The following FAM13A variants were observed in gnomAD, a reference collection of about 807,000 sequenced individuals.
FAM13A encodes family with sequence similarity 13 member A, also known as protein FAM13A.
Under a neutral mutation model 129.6 loss-of-function variants are expected in FAM13A, and 76 were observed. The ratio of observed to expected loss-of-function variants is 0.59; its 90% CI spans 0.49 to 0.71. The LOEUF (loss-of-function observed/expected upper bound fraction) is 0.71. Among genes scored for constraint, FAM13A ranks in the 30% least tolerant of loss-of-function variants. The pLI is 0.00. For synonymous variants in FAM13A, 443 were observed against 449.9 expected (o/e 0.98, Z 0.20); for missense variants, 1,108 against 1,249.3 (o/e 0.89, Z 1.70).
intron 8 of FAM13A, among the ~76,000 whole-genome samples, chr4:88,790,862 C>A (rs541803524): frequency 6.6e-6 from 1 of 152,234 alleles, no homozygotes; most frequent in South Asian, 2.1e-4. Context: ...CCAAGGCAGA[C>A]AATTCTATAA....
chr4:88,859,438 T>C (rs1037590971), intron 6 of FAM13A, among the ~76,000 whole-genome samples: 1 of 152,060 alleles, frequency 6.6e-6, no homozygotes. Context: ...AAGAACACTG[T>C]GGGCCCAGAG....
intron 5 of FAM13A, among the ~76,000 whole-genome samples, chr4:88,922,205 T>C (rs1377615635): frequency 1.3e-5 from 2 of 152,034 alleles, no homozygotes; most frequent in African/African-American, 2.4e-5. Flanking sequence ...GCGGACCTAA[T>C]AGACATCTAC....
In FAM13A at chr4:89,056,923, A is replaced by G. The variant is rs780509748; in HGVS notation, c.27+15T>C. 5.0e-6 allele frequency: 8 copies of G among 1,611,890 alleles called. No individual in the cohort carries two copies. Among genetic ancestry groups the G allele is most frequent in the South Asian group, 3.3e-5 (3 of 90,582 alleles). On this transcript the variant is annotated intron_variant, in intron 1 of 23. Transcript: ENST00000264344. ...TGGCAGTAAACACAGAAGACAGAAG[A>G]AGGCCTATACTTACACAGATGGCTA...
intron 11 of FAM13A, among the ~76,000 whole-genome samples, chr4:88,771,930 T>A (rs1720757567): frequency 6.6e-6 from 1 of 152,212 alleles, no homozygotes; most frequent in African/African-American, 2.4e-5. Flanking sequence ...AAAGCCTTGA[T>A]AAAAGTTCAT....
chr4:88,986,136 CTTT>C (rs751565027), intron 4 of FAM13A, among the ~76,000 whole-genome samples: 3 of 142,514 alleles, frequency 2.1e-5, no homozygotes, highest in Admixed American at 7.1e-5. Flanking sequence ...ATAATTTTCA[CTTT>C]TTTTTTTTTT....
intron 6 of FAM13A, chr4:88,905,653 G>A (rs1275484536): frequency 9.9e-5 from 15 of 152,086 alleles, no homozygotes; most frequent in African/African-American, 3.6e-4. Flanking sequence ...GAGAACATGT[G>A]GTATTTGGTT....
intron 1 of FAM13A, among the ~76,000 whole-genome samples, chr4:89,036,757 G>C (rs1004537915): frequency 6.6e-6 from 1 of 152,226 alleles, no homozygotes; most frequent in African/African-American, 2.4e-5. Flanking sequence ...GCTCTGCTCA[G>C]CCGCAGGACA....
chr4:88,731,085 G>A (rs946331943), intron 23 of FAM13A, among the ~76,000 whole-genome samples: 5 of 152,204 alleles, frequency 3.3e-5, no homozygotes, highest in South Asian at 2.1e-4. Context: ...AATGTCAGCT[G>A]AATCTGCATT....
chr4:88,884,468 C>T (rs1744091508), intron 6 of FAM13A, among the ~76,000 whole-genome samples: 1 of 152,058 alleles, frequency 6.6e-6, no homozygotes, highest in African/African-American at 2.4e-5. Flanking sequence ...TTATTAAAAC[C>T]CTCAGCAAAA....
chr4:88,739,621 C>CAAA (rs5860146), intron 19 of FAM13A, among the ~76,000 whole-genome samples: 4 of 112,648 alleles, frequency 3.6e-5, no homozygotes, highest in African/African-American at 9.6e-5. Context: ...CTAAAAAATA[C>CAAA]AAAAAAAAAA....
chr4:88,799,741 C>T (rs1561025216), intron 8 of FAM13A, among the ~76,000 whole-genome samples: 1 of 152,206 alleles, frequency 6.6e-6, no homozygotes, highest in Non-Finnish European at 1.5e-5. Flanking sequence ...CCTTGGCCTC[C>T]CAAAGTGCTG....
At chr4:88,897,491 C>T (rs1037877400) in intron 6 of FAM13A, among the ~76,000 whole-genome samples, 3 of 152,166 alleles carry the variant, frequency 2.0e-5, no homozygotes, top group East Asian at 1.9e-4. Flanking sequence ...AACACACGTA[C>T]AGACAGATGG....
chr4:88,874,046 T>C (rs984709923), intron 6 of FAM13A, among the ~76,000 whole-genome samples: 3 of 152,184 alleles, frequency 2.0e-5, no homozygotes, highest in Admixed American at 6.5e-5. Context: ...ACCACATGAT[T>C]ATCTCAATAG....
At chr4:88,738,270 T>C (rs1390916510) in intron 20 of FAM13A, among the ~76,000 whole-genome samples, 1 of 152,162 alleles carries the variant, frequency 6.6e-6, no homozygotes, top group East Asian at 1.9e-4. Context: ...CTAAAGAGCC[T>C]AAAAGCCAGC....
chr4:88,744,931 G>C (rs1284038616), intron 19 of FAM13A, among the ~76,000 whole-genome samples: 1 of 152,006 alleles, frequency 6.6e-6, no homozygotes, highest in African/African-American at 2.4e-5. Context: ...GTGATGAAAG[G>C]GAATAATAAG....
chr4:88,922,248 A>AT (rs1751244981), intron 5 of FAM13A, among the ~76,000 whole-genome samples: 1 of 152,052 alleles, frequency 6.6e-6, no homozygotes, highest in Non-Finnish European at 1.5e-5. Flanking sequence ...CAGAATATAC[A>AT]TTTTTTTCAG....
intron 6 of FAM13A, among the ~76,000 whole-genome samples, chr4:88,874,523 G>A (rs191989125): frequency 0.013 from 1,950 of 152,192 alleles, 49 homozygotes; most frequent in African/African-American, 0.044. Context: ...CAAATCATGA[G>A]TGAACTCCCA....
intron 6 of FAM13A, among the ~76,000 whole-genome samples, chr4:88,892,171 G>A (rs546525638): frequency 1.7e-5 from 2 of 119,458 alleles, no homozygotes; most frequent in East Asian, 5.0e-4. Flanking sequence ...GCAAGATCCT[G>A]TCTTTTTTTT....
At position 89,035,674 on chromosome 4, in the gene FAM13A, C is replaced by T. The variant is rs140527357; in HGVS notation, c.28-6025G>A. Among the ~76,000 whole-genome samples, 25 of 152,254 alleles carry T rather than the reference C, an allele frequency of 1.6e-4. No homozygotes were observed. The East Asian group carries it at 4.4e-3, about 27-fold the overall frequency. On this transcript the variant is annotated intron_variant, in intron 1 of 23. Transcript: ENST00000264344. ...GTGATTGGATCATGGGGGAGGATTT[C>T]TCCCTTGCTGTTCTTGTGATAGTGA...
Sources: gnomAD v4.1 joint callset for allele counts (sites outside exome capture counted in the v4.1 genomes callset) on GRCh38, gnomAD v4.1.1 for gene constraint, MANE v1.5 for transcripts, NCBI Gene and HGNC (gene_info 2026-07-23, HGNC 2026-07-21) for gene names.